Variants in MYO15B observed in about 807,000 individuals in gnomAD.
MYO15B encodes the protein myosin XVB.
In MYO15B, 207 loss-of-function variants were observed where a neutral mutation model predicts 119.3. That is an observed-to-expected ratio of 1.73 (90% CI 1.55 to 1.95). The LOEUF (loss-of-function observed/expected upper bound fraction) is 1.95, where lower values mean the gene tolerates loss of function less well. Among genes scored for constraint, MYO15B ranks in the 30% most tolerant of loss-of-function variants. MYO15B has a pLI of 0.00. For synonymous variants in MYO15B, 966 were observed against 498.9 expected (o/e 1.94, Z -12.48); for missense variants, 2,264 against 1,203.1 (o/e 1.88, Z -13.04).
intron 12 of MYO15B, 91 bp from the exon 13 acceptor site, chr17:75,596,365 TACTC>T (rs2147778491): frequency 1.5e-6 from 1 of 667,998 alleles, no homozygotes; most frequent in East Asian, 2.7e-5. Context: ...CCCTGGGTAT[TACTC>T]ATCCCTGCGC....
chr17:75,620,918 T>G (rs1182709135), intron 49 of MYO15B, 113 bp from the exon 50 acceptor site: 1 of 701,604 alleles, frequency 1.4e-6, no homozygotes, highest in South Asian at 1.5e-5. Flanking sequence ...TTCACTTTCC[T>G]GGCTTCTGGT....
At chr17:75,599,423 C>T (rs963393589) in intron 14 of MYO15B, among the ~76,000 whole-genome samples, 3 of 152,000 alleles carry the variant, frequency 2.0e-5, no homozygotes, top group African/African-American at 4.8e-5. Context: ...TACAGGCACC[C>T]GCCACCATGC....
chr17:75,597,770 G>A (rs1449464504), intron 14 of MYO15B, among the ~76,000 whole-genome samples: 1 of 152,132 alleles, frequency 6.6e-6, no homozygotes, highest in Non-Finnish European at 1.5e-5. Context: ...ACAACAATTA[G>A]CCTGGTGTGG....
intron 21 of MYO15B, among the ~76,000 whole-genome samples, chr17:75,608,006 C>T (rs1032777637): frequency 2.0e-5 from 3 of 152,256 alleles, no homozygotes; most frequent in African/African-American, 7.2e-5. Flanking sequence ...AGTGGCATCT[C>T]ATTATGGCTT....
chr17:75,617,763 G>A (rs1404185156), intron 41 of MYO15B, 47 bp from the exon 42 acceptor site: 4 of 678,298 alleles, frequency 5.9e-6, no homozygotes, highest in Non-Finnish European at 1.1e-5. Context: ...CATCACTCTG[G>A]CTCTGCAGCC....
intron 24 of MYO15B, 66 bp downstream of exon 24, chr17:75,611,724 G>A (rs1196453192): frequency 8.6e-6 from 6 of 700,430 alleles, no homozygotes; most frequent in Admixed American, 4.0e-5. Context: ...GGGTGTGTCT[G>A]TCCCTTGTGG....
chr17:75,624,779 G>C (rs1568236839), exon 59 of MYO15B: 1 of 702,826 alleles, frequency 1.4e-6, no homozygotes, highest in Non-Finnish European at 2.6e-6. Context: ...AGGCCAGCTG[G>C]TGCGGCCCCT....
At chr17:75,603,492 C>G (rs2057421010) in intron 19 of MYO15B, among the ~76,000 whole-genome samples, 180 bp downstream of exon 19, 1 of 152,236 alleles carries the variant, frequency 6.6e-6, no homozygotes, top group Admixed American at 6.5e-5. Flanking sequence ...CTCTCCATCT[C>G]ACTCTCTTCT....
chr17:75,622,456 C>T (rs749484), intron 53 of MYO15B, among the ~76,000 whole-genome samples: 4,140 of 152,208 alleles, frequency 0.027, 172 homozygotes, highest in African/African-American at 0.089. Flanking sequence ...CCGGGACCAG[C>T]GTGGCTGAGC....
At chr17:75,623,100 G>C (rs578173528) in intron 53 of MYO15B, among the ~76,000 whole-genome samples, 2 of 152,390 alleles carry the variant, frequency 1.3e-5, no homozygotes, top group Admixed American at 6.5e-5. Context: ...GGGAGGCCGA[G>C]GCAGGTGGAT....
intron 21 of MYO15B, among the ~76,000 whole-genome samples, chr17:75,607,708 G>A (rs1003754053): frequency 6.6e-6 from 1 of 152,034 alleles, no homozygotes; most frequent in African/African-American, 2.4e-5. Flanking sequence ...CGATCCACCC[G>A]CCTCAGCCTC....
At chr17:75,612,044 G>A (rs820139) in intron 25 of MYO15B, 28 bp downstream of exon 25, 36,567 of 701,690 alleles carry the variant, frequency 0.052, 3,411 homozygotes, top group African/African-American at 0.32. Flanking sequence ...AGCTCTTCCC[G>A]CTGGCCTCAC....
exon 58 of MYO15B, chr17:75,624,627 A>G: frequency 1.4e-6 from 1 of 702,864 alleles, no homozygotes; most frequent in Non-Finnish European, 2.6e-6. Context: ...CCTCTTCCTC[A>G]TCAAAGAGAA....
At chr17:75,613,998 C>A in intron 29 of MYO15B, 1 of 599,214 alleles carries the variant, frequency 1.7e-6, no homozygotes, top group Non-Finnish European at 3.0e-6. Context: ...AAGAAATGCC[C>A]ATGCTGGAGC....
chr17:75,602,971 AC>A (rs766079888), intron 17 of MYO15B, 26 bp downstream of exon 17: 1 of 699,238 alleles, frequency 1.4e-6, no homozygotes, highest in South Asian at 1.5e-5. Context: ...GCCACACCAG[AC>A]CCCAGGGAGT....
rs745356895 is a variant in MYO15B, at chr17:75,593,616, A to G, written c.2991+776A>G. Among the ~76,000 whole-genome samples, 562 of 131,260 alleles carry G rather than the reference A, an allele frequency of 4.3e-3. 6 individuals are homozygous for G. The highest frequency in any genetic ancestry group is 5.4e-3 in the Non-Finnish European group (353 of 65,542). 86.1% of individuals were successfully genotyped at this position (131,260 alleles called of 152,430 possible). On this transcript the variant is annotated intron_variant, in intron 9 of 63. Transcript: ENST00000645453. Reference sequence around the variant, plus strand: ...GTGACAGAGCGAGACTCCGTCTCAGAAAAAAAAAAAAAAACAAAACAGACT... The same window carrying G: ...GTGACAGAGCGAGACTCCGTCTCAGGAAAAAAAAAAAAAACAAAACAGACT...
At chr17:75,591,901 A>T in intron 5 of MYO15B, 76 bp from the exon 6 acceptor site, 5 of 681,772 alleles carry the variant, frequency 7.3e-6, no homozygotes, top group Non-Finnish European at 1.3e-5. Context: ...GCCTCCCTGG[A>T]CCTGCCCCTA....
chr17:75,588,375 C>CG lies in MYO15B; in HGVS notation c.324dup (p.Arg109AlafsTer18). 1 of 398,538 alleles carries CG rather than the reference C, an allele frequency of 2.5e-6. No individual in the cohort carries two copies. Among genetic ancestry groups the CG allele is most frequent in the Non-Finnish European group, 4.4e-6 (1 of 226,018 alleles). The allele number at this position is 398,538 out of a possible 1,614,324, so 24.7% of individuals were successfully genotyped here. A position where few individuals can be genotyped will look rare whatever the true frequency, so the allele number is the denominator to read the frequency against. ...AGGGACGCGGGCCCAGGGGCGGCCG[C>CG]GGGGGGCGCCTGGAGGAGGGAAGCC... is the stretch of plus-strand genomic sequence containing the variant. On this transcript the variant is annotated frameshift_variant, in exon 1 of 64. Coordinates refer to ENST00000645453, the Ensembl canonical transcript of MYO15B. LOFTEE classifies it high-confidence loss of function.
exon 1 of MYO15B, among the ~76,000 whole-genome samples, chr17:75,587,878 C>T (rs994646250): frequency 6.6e-6 from 1 of 152,278 alleles, no homozygotes; most frequent in South Asian, 2.1e-4. Flanking sequence ...GGGGTCAGGA[C>T]CCGCCGCCTT....
Sources: gnomAD v4.1 joint callset for allele counts (sites outside exome capture counted in the v4.1 genomes callset) on GRCh38, gnomAD v4.1.1 for gene constraint, MANE v1.5 for transcripts, NCBI Gene and HGNC (gene_info 2026-07-23, HGNC 2026-07-21) for gene names.